Variants in FNTA observed in about 807,000 individuals in gnomAD.
FNTA encodes farnesyltransferase, CAAX box, subunit alpha.
Under a neutral mutation model 55.2 loss-of-function variants are expected in FNTA, and 27 were observed. The ratio of observed to expected loss-of-function variants is 0.49; its 90% CI spans 0.36 to 0.67. The LOEUF (loss-of-function observed/expected upper bound fraction) is 0.67. FNTA is among the 30% of genes least tolerant of loss of function. The pLI, the probability that FNTA is intolerant of heterozygous loss-of-function variation, is 0.00. For synonymous variants in FNTA, 176 were observed against 170.7 expected (o/e 1.03, Z -0.24); for missense variants, 422 against 464.7 (o/e 0.91, Z 0.85).
At chr8:43,071,626 T>G (rs964083821) in intron 4 of FNTA, among the ~76,000 whole-genome samples, 5 of 149,928 alleles carry the variant, frequency 3.3e-5, no homozygotes, top group Admixed American at 6.8e-5. Context: ...GAGCTGAGAT[T>G]GCGCCATTGC....
intron 5 of FNTA, among the ~76,000 whole-genome samples, chr8:43,076,010 A>G (rs932326127): frequency 1.3e-5 from 2 of 151,702 alleles, no homozygotes; most frequent in African/African-American, 4.8e-5. Context: ...GATTCTAGGC[A>G]TGTGCCACGA....
At chr8:43,065,195 C>T (rs538006482) in intron 3 of FNTA, among the ~76,000 whole-genome samples, 35 of 152,060 alleles carry the variant, frequency 2.3e-4, no homozygotes, top group Non-Finnish European at 4.7e-4. Flanking sequence ...CACTACCCTC[C>T]CTCCATCACA....
chr8:43,057,890 A>C (rs889979883), intron 1 of FNTA, among the ~76,000 whole-genome samples: 1 of 151,190 alleles, frequency 6.6e-6, no homozygotes, highest in Non-Finnish European at 1.5e-5. Context: ...CCCAGGAGGC[A>C]GAGGTTGCAA....
chr8:43,059,122 G>A lies in FNTA; in HGVS notation c.231G>A (p.Pro77=), dbSNP rs758500334. The change falls in exon 2 of 9, where the codon CCG becomes CCA. Residue 77 remains proline, a synonymous_variant. Coordinates refer to ENST00000302279, the MANE Select transcript of FNTA (RefSeq NM_002027.3). ...RDRAEWADID[P]VPQNDGPNPV... Reference sequence around the variant, plus strand: ...GAGCAGAATGGGCTGATATAGATCCGGTGCCGCAGAATGATGGCCCCAATC... The same window carrying A: ...GAGCAGAATGGGCTGATATAGATCCAGTGCCGCAGAATGATGGCCCCAATC... 31 of 1,613,394 alleles carry A rather than the reference G, an allele frequency of 1.9e-5. No homozygotes were observed. The highest frequency in any genetic ancestry group is 4.0e-5 in the African/African-American group (3 of 74,888).
chr8:43,072,391 C>G, intron 5 of FNTA, 84 bp downstream of exon 5: 2 of 983,944 alleles, frequency 2.0e-6, no homozygotes, highest in Non-Finnish European at 2.8e-6. Context: ...GTTTCTAAAC[C>G]AAAACACACA....
intron 4 of FNTA, 109 bp from the exon 5 acceptor site, chr8:43,072,072 A>G (rs1273976980): frequency 2.6e-6 from 2 of 771,270 alleles, no homozygotes; most frequent in Admixed American, 3.1e-5. Context: ...TTAGAGATGA[A>G]TTTTTGTTTA....
chr8:43,063,564 A>G (rs769188512), intron 2 of FNTA, among the ~76,000 whole-genome samples: 1 of 152,188 alleles, frequency 6.6e-6, no homozygotes, highest in East Asian at 1.9e-4. Flanking sequence ...TCTCGTTTGC[A>G]TAAAAATGAA....
intron 3 of FNTA, among the ~76,000 whole-genome samples, chr8:43,067,650 T>C (rs1810692036): frequency 6.6e-6 from 1 of 151,950 alleles, no homozygotes; most frequent in African/African-American, 2.4e-5. Flanking sequence ...AGTCTACTTT[T>C]TTTTTTTTTT....
At chr8:43,074,608 C>T (rs750214211) in intron 5 of FNTA, among the ~76,000 whole-genome samples, 13 of 152,172 alleles carry the variant, frequency 8.5e-5, no homozygotes, top group East Asian at 5.8e-4. Flanking sequence ...TGATCCATAC[C>T]GGCAACAACT....
intron 2 of FNTA, 32 bp downstream of exon 2, chr8:43,059,209 A>G (rs777143018): frequency 6.2e-6 from 9 of 1,463,242 alleles, no homozygotes; most frequent in Non-Finnish European, 7.6e-6. Flanking sequence ...AAAGGTCTGT[A>G]AGTTAAATAT....
At chr8:43,072,008 AT>A (rs1268566102) in intron 4 of FNTA, among the ~76,000 whole-genome samples, 172 bp from the exon 5 acceptor site, 2 of 151,900 alleles carry the variant, frequency 1.3e-5, no homozygotes, top group Admixed American at 6.6e-5. Context: ...AACTATCTGA[AT>A]TTTTTTTCTA....
At chr8:43,080,951 TAA>T (rs1258987925) in intron 6 of FNTA, 1 of 152,228 alleles carries the variant, frequency 6.6e-6, no homozygotes, top group African/African-American at 2.4e-5. Flanking sequence ...CCCAAGAATC[TAA>T]AAGAGCTTCC....
At chr8:43,056,617 G>T (rs1810408471) in intron 1 of FNTA, 71 bp downstream of exon 1, 3 of 1,045,868 alleles carry the variant, frequency 2.9e-6, no homozygotes, top group South Asian at 8.9e-5. Context: ...CCCGCGGCGC[G>T]CGCTTCCGGC....
At chr8:43,078,003 C>G (rs1810948734) in intron 6 of FNTA, 1 of 152,124 alleles carries the variant, frequency 6.6e-6, no homozygotes. Context: ...GTTTTCAGAG[C>G]CTGATGAGAT....
chr8:43,064,330 G>T, intron 3 of FNTA, 115 bp downstream of exon 3: 1 of 651,156 alleles, frequency 1.5e-6, no homozygotes, highest in South Asian at 1.9e-5. Context: ...TTTTGGAGGG[G>T]GGTGCAGTTT....
intron 1 of FNTA, 153 bp downstream of exon 1, chr8:43,056,699 C>T (rs559562051): frequency 5.0e-4 from 163 of 326,698 alleles, no homozygotes; most frequent in African/African-American, 3.2e-3. Context: ...GGGCGGCTGC[C>T]GGGACGTCGC....
chr8:43,085,126 A>G (rs779502303), intron 8 of FNTA, 34 bp from the exon 9 acceptor site: 1 of 1,480,012 alleles, frequency 6.8e-7, no homozygotes, highest in Non-Finnish European at 9.2e-7. Context: ...AAATTGAATT[A>G]CATATTACTT....
chr8:43,056,835 C>T (rs763164306), intron 1 of FNTA: 26 of 160,494 alleles, frequency 1.6e-4, no homozygotes, highest in Non-Finnish European at 3.0e-4. Context: ...GCTGTTCAGG[C>T]GTCGCGATTC....
chr8:43,059,212 T>G, intron 2 of FNTA, 35 bp downstream of exon 2: 1 of 1,419,842 alleles, frequency 7.0e-7, no homozygotes, highest in Non-Finnish European at 9.8e-7. Context: ...GGTCTGTAAG[T>G]TAAATATAGT....
Sources: allele counts gnomAD v4.1 joint callset (sites outside exome capture counted in the v4.1 genomes callset), GRCh38; gene constraint gnomAD v4.1.1; transcripts MANE v1.5; gene names NCBI Gene and HGNC (gene_info 2026-07-23, HGNC 2026-07-21).